Variants in RPS6KA1 observed in about 807,000 individuals in gnomAD.
RPS6KA1 encodes the protein ribosomal protein S6 kinase alpha-1.
Under a neutral mutation model 91.3 loss-of-function variants are expected in RPS6KA1, and 48 were observed. The observed-to-expected ratio is 0.53, with a 90% CI of 0.42 to 0.67. The LOEUF is 0.67. Among genes scored for constraint, RPS6KA1 ranks in the 30% least tolerant of loss-of-function variants. The pLI, the probability that RPS6KA1 is intolerant of heterozygous loss-of-function variation, is 0.00. For missense variants in RPS6KA1, 719 were observed against 960.5 expected (o/e 0.75, Z 3.32); for synonymous variants, 359 against 384.7 (o/e 0.93, Z 0.78).
chr1:26,531,112 C>T (rs1557485449), intron 1 of RPS6KA1: 1 of 166,902 alleles, frequency 6.0e-6, no homozygotes, highest in Non-Finnish European at 1.3e-5. Flanking sequence ...ACCCAGGGTC[C>T]CCAGCCCCCA....
intron 4 of RPS6KA1, among the ~76,000 whole-genome samples, chr1:26,550,206 CAG>C (rs2076037421): frequency 1.0e-5 from 1 of 97,870 alleles, no homozygotes; most frequent in African/African-American, 3.9e-5. Flanking sequence ...TTTTTTGAGG[CAG>C]AGTCTCACTC....
chr1:26,536,568 A>T (rs994851871), intron 1 of RPS6KA1, among the ~76,000 whole-genome samples: 23 of 152,190 alleles, frequency 1.5e-4, no homozygotes, highest in African/African-American at 5.6e-4. Flanking sequence ...AGTTTGTACA[A>T]GGTTTGTATC....
intron 1 of RPS6KA1, chr1:26,530,812 TC>T: frequency 7.8e-7 from 1 of 1,288,746 alleles, no homozygotes; most frequent in African/African-American, 1.5e-5. Flanking sequence ...GGCCACCTCT[TC>T]CTGTGCCTTT....
Position 26,554,608 on chromosome 1 carries a change from G to A in RPS6KA1, c.626G>A (p.Ser209Asn). Residue 209 changes from serine to asparagine, a missense_variant, in exon 9 of 22, where the codon AGC becomes AAC. Transcript: ENST00000374168. The surrounding 1 kb of genome is among the most constrained non-coding windows in gnomAD (Gnocchi z 4.6). ...GHIKLTDFGL[S>N]KEAIDHEKKA... Reference sequence around the variant, plus strand: ...CTCCTTGCTGTAGACTTTGGCCTGAGCAAAGAGGCCATTGACCACGAGAAG... The same window carrying A: ...CTCCTTGCTGTAGACTTTGGCCTGAACAAAGAGGCCATTGACCACGAGAAG... The A allele has an allele frequency of 6.2e-7, 1 of 1,612,906 alleles. No individual in the cohort carries two copies. Among genetic ancestry groups the A allele is most frequent in the Non-Finnish European group, 8.5e-7 (1 of 1,179,134 alleles).
chr1:26,555,431 G>T lies in RPS6KA1; in HGVS notation c.828-106G>T. Reference sequence around the variant, plus strand: ...GAAGCCTTTGGGAAGTGAATTAGTGGATGGCTTGTCTAGACTGAGCTGGGA... The same window carrying T: ...GAAGCCTTTGGGAAGTGAATTAGTGTATGGCTTGTCTAGACTGAGCTGGGA... On this transcript the variant is annotated intron_variant, in intron 10 of 21. Coordinates refer to ENST00000374168, the MANE Select transcript of RPS6KA1 (RefSeq NM_002953.4). The surrounding 1 kb of genome is among the most constrained non-coding windows in gnomAD (Gnocchi z 4.3). The T allele has an allele frequency of 8.3e-7, 1 of 1,202,588 alleles. No homozygotes were observed. Among genetic ancestry groups the T allele is most frequent in the Non-Finnish European group, 1.2e-6 (1 of 838,020 alleles). The allele number at this position is 1,202,588 out of a possible 1,614,324, so 74.5% of individuals were successfully genotyped here. A position where few individuals can be genotyped will look rare whatever the true frequency, so the allele number is the denominator to read the frequency against.
chr1:26,547,554 A>G lies in RPS6KA1; in HGVS notation c.307+284A>G, dbSNP rs1211110761. Reference sequence around the variant, plus strand: ...CTCAACTACCAAGCTGGTCAAGCAGAGGCATTCTGACTGTTGATGCTAGAA... The same window carrying G: ...CTCAACTACCAAGCTGGTCAAGCAGGGGCATTCTGACTGTTGATGCTAGAA... On this transcript the variant is annotated intron_variant, in intron 4 of 21. Coordinates refer to ENST00000374168, the MANE Select transcript of RPS6KA1 (RefSeq NM_002953.4). The surrounding 1 kb of genome is among the most constrained non-coding windows in gnomAD (Gnocchi z 4.1). 2 of 383,314 alleles carry G rather than the reference A, an allele frequency of 5.2e-6. No homozygotes were observed. The highest frequency in any genetic ancestry group is 7.3e-5 in the Admixed American group (2 of 27,288). 23.7% of individuals were successfully genotyped at this position (383,314 alleles called of 1,614,324 possible). A position where few individuals can be genotyped will look rare whatever the true frequency, so the allele number is the denominator to read the frequency against.
intron 17 of RPS6KA1, among the ~76,000 whole-genome samples, chr1:26,562,794 C>G (rs186579886): frequency 2.0e-5 from 3 of 149,416 alleles, no homozygotes; most frequent in African/African-American, 7.4e-5. Context: ...ACATAGTACC[C>G]AGTCCATAGA....
At chr1:26,557,548 C>G (rs35245195) in intron 13 of RPS6KA1, among the ~76,000 whole-genome samples, 52,656 of 151,916 alleles carry the variant, frequency 0.35, 10,019 homozygotes, top group East Asian at 0.76. Flanking sequence ...CCTGACTGCC[C>G]GGCCTCCGTG....
rs752780156 is a variant in RPS6KA1, at chr1:26,571,751, G to A, written c.1753-98G>A. The A allele has an allele frequency of 4.6e-5, 69 of 1,484,626 alleles. No individual in the cohort carries two copies. Among genetic ancestry groups the A allele is most frequent in the Non-Finnish European group, 6.1e-5 (67 of 1,093,686 alleles). 92.0% of individuals were successfully genotyped at this position (1,484,626 alleles called of 1,614,324 possible). A position where few individuals can be genotyped will look rare whatever the true frequency, so the allele number is the denominator to read the frequency against. On this transcript the variant is annotated intron_variant, in intron 18 of 21. Coordinates refer to ENST00000374168, the MANE Select transcript of RPS6KA1 (RefSeq NM_002953.4). This position sits in a 1 kb window ranked among gnomAD's most constrained non-coding sequence, Gnocchi z 5.1. ...GCAAGGGAAGATCTAGCCTGTGCCTGGGACCCTTGTCCTGCCCTTGAGGGG... is the reference window on the plus strand; with the variant it reads ...GCAAGGGAAGATCTAGCCTGTGCCTAGGACCCTTGTCCTGCCCTTGAGGGG...
chr1:26,535,389 C>T (rs897722439), intron 1 of RPS6KA1, among the ~76,000 whole-genome samples: 6 of 151,980 alleles, frequency 3.9e-5, no homozygotes, highest in African/African-American at 1.5e-4. Flanking sequence ...CTACAGCTGC[C>T]CCATGGACCC....
At position 26,547,130 on chromosome 1, in the gene RPS6KA1, G is replaced by A. The variant is rs184810579; in HGVS notation, c.226-59G>A. 1.1e-5 allele frequency: 18 copies of A among 1,586,126 alleles called. No homozygotes were observed. The South Asian group carries it at 1.9e-4, about 17-fold the overall frequency. On this transcript the variant is annotated intron_variant, in intron 3 of 21. Coordinates refer to ENST00000374168, the MANE Select transcript of RPS6KA1 (RefSeq NM_002953.4). The surrounding 1 kb of genome is among the most constrained non-coding windows in gnomAD (Gnocchi z 4.1). Reference sequence around the variant, plus strand: ...AGCTTGGGGCTCAGAGAAGATAGAGGTCAGCCTGGACTCAGACCTCTCCCA... The same window carrying A: ...AGCTTGGGGCTCAGAGAAGATAGAGATCAGCCTGGACTCAGACCTCTCCCA...
At position 26,574,785 on chromosome 1, in the gene RPS6KA1, T is replaced by G; in HGVS notation, c.*584T>G. The stretch of plus-strand genomic sequence containing the variant: ...GTCTCATGTCCTGCTGGCTTCCAGC[T>G]TCAGGCACCAGCATCCACCTTGGCT... On this transcript the variant is annotated 3_prime_UTR_variant, in exon 22 of 22. Coordinates refer to ENST00000374168, the MANE Select transcript of RPS6KA1 (RefSeq NM_002953.4). This position sits in a 1 kb window ranked among gnomAD's most constrained non-coding sequence, Gnocchi z 4.3. The G allele has an allele frequency of 3.9e-6, 1 of 253,224 alleles. No homozygotes were observed. Among genetic ancestry groups the G allele is most frequent in the Non-Finnish European group, 8.0e-6 (1 of 125,392 alleles). 15.7% of individuals were successfully genotyped at this position (253,224 alleles called of 1,614,324 possible). A position where few individuals can be genotyped will look rare whatever the true frequency, so the allele number is the denominator to read the frequency against.
At chr1:26,530,183 C>T (rs1288276297) in intron 1 of RPS6KA1, among the ~76,000 whole-genome samples, 200 bp downstream of exon 1, 1 of 152,204 alleles carries the variant, frequency 6.6e-6, no homozygotes, top group African/African-American at 2.4e-5. Flanking sequence ...CAAGCGCCGA[C>T]TACCTCCCCG....
chr1:26,557,349 G>T lies in RPS6KA1; in HGVS notation c.1084+249G>T, dbSNP rs530200086. Reference sequence around the variant, plus strand: ...GAGTGGGAGTGGGGATGTGTGGGTGGTGAAGGCCACAGTAGAAAAGCCAGG... The same window carrying T: ...GAGTGGGAGTGGGGATGTGTGGGTGTTGAAGGCCACAGTAGAAAAGCCAGG... On this transcript the variant is annotated intron_variant, in intron 13 of 21. Coordinates refer to ENST00000374168, the MANE Select transcript of RPS6KA1 (RefSeq NM_002953.4). 7.2e-4 allele frequency among the ~76,000 whole-genome samples: 110 copies of T among 152,236 alleles called. 1 individual carries two copies. The Middle Eastern group carries it at 0.014, about 19-fold the overall frequency.
intron 1 of RPS6KA1, among the ~76,000 whole-genome samples, chr1:26,536,483 G>T (rs780949256): frequency 6.3e-4 from 96 of 152,208 alleles, no homozygotes; most frequent in Non-Finnish European, 8.2e-4. Flanking sequence ...CACCCTTGCA[G>T]CAACTCTGGG....
intron 17 of RPS6KA1, among the ~76,000 whole-genome samples, chr1:26,566,506 CGAACT>C (rs2076203702): frequency 1.3e-5 from 2 of 151,928 alleles, no homozygotes; most frequent in African/African-American, 4.8e-5. Flanking sequence ...AAACTGTTCT[CGAACT>C]CCTGACCCCA....
In RPS6KA1 at chr1:26,562,825, C is replaced by CCTTTTTT. The variant is rs1553133561; in HGVS notation, c.1590+1162_1590+1163insCTTTTTT. Among the ~76,000 whole-genome samples the CCTTTTTT allele has an allele frequency of 2.5e-5, 2 of 81,432 alleles. 1 individual carries two copies. Among genetic ancestry groups the CCTTTTTT allele is most frequent in the African/African-American group, 1.0e-4 (2 of 19,714 alleles). 53.4% of individuals were successfully genotyped at this position (81,432 alleles called of 152,430 possible). ...ATAGACACATTTTTCTCCTATTGTC[C>CCTTTTTT]TTTTTTTTTTTTTTTTTTTTTTTTT... On this transcript the variant is annotated intron_variant, in intron 17 of 21. Coordinates refer to ENST00000374168, the MANE Select transcript of RPS6KA1 (RefSeq NM_002953.4).
rs1386700262 is a variant in RPS6KA1 at position 26,540,848 on chromosome 1, T to G, written c.108+3879T>G. 6.6e-6 allele frequency among the ~76,000 whole-genome samples: 1 copy of G among 152,176 alleles called. No homozygotes were observed. The highest frequency in any genetic ancestry group is 2.4e-5 in the African/African-American group (1 of 41,444). The stretch of plus-strand genomic sequence containing the variant: ...TTTTGTTGCCCAGGCTGGAGTGCAA[T>G]GGCACGATCTTGGCTCACCACAACC... On this transcript the variant is annotated intron_variant, in intron 2 of 21. Transcript: ENST00000374168. This position sits in a 1 kb window ranked among gnomAD's most constrained non-coding sequence, Gnocchi z 4.2.
intron 17 of RPS6KA1, among the ~76,000 whole-genome samples, chr1:26,562,825 C>CCTTTTTTTTTTTTTTTTTT (rs1553133561): frequency 1.2e-5 from 1 of 81,432 alleles, no homozygotes. Flanking sequence ...TCCTATTGTC[C>CCTTTTTTTTTTTTTTTTTT]TTTTTTTTTT....
Sources: allele counts gnomAD v4.1 joint callset (sites outside exome capture counted in the v4.1 genomes callset), GRCh38; gene constraint gnomAD v4.1.1; non-coding constraint Gnocchi (gnomAD v3.1); transcripts MANE v1.5; gene names NCBI Gene and HGNC (gene_info 2026-07-23, HGNC 2026-07-21).